The following HUWE1 variants were observed in gnomAD, a reference collection of about 807,000 sequenced individuals.
HUWE1 encodes E3 ubiquitin-protein ligase HUWE1.
In HUWE1, 18 loss-of-function variants were observed where a neutral mutation model predicts 299.4. The observed-to-expected ratio is 0.06, with a 90% CI of 0.04 to 0.09. The LOEUF (loss-of-function observed/expected upper bound fraction) is 0.09, where lower values mean the gene tolerates loss of function less well. Among genes scored for constraint, HUWE1 ranks in the 10% least tolerant of loss-of-function variants. HUWE1 has a pLI of 1.00. For synonymous variants in HUWE1, 1,317 were observed against 1,286.1 expected, an observed-to-expected ratio of 1.02 and a Z score of -0.51; for missense variants, 1,832 against 3,462.3, an observed-to-expected ratio of 0.53 and a Z score of 11.82.
At chrX:53,588,633 C>A (rs782180129) in intron 36 of HUWE1, 99 bp from the exon 37 acceptor site, 249 of 804,603 alleles carry the variant, frequency 3.1e-4, no homozygotes, top group Non-Finnish European at 4.1e-4. Context: ...CTGCCTCCAA[C>A]ACATTCACTA....
Position 53,589,579 on chromosome X carries a change from G to A in HUWE1, c.4429C>T (p.Arg1477Cys). ...TAIKRNGADY[R>C]DMILKQVVNQ... ...ACTACTTGCTTCAGAATCATGTCAC[G>A]ATAATCTGCTCCATTACGTTTGATT... The change falls in exon 36 of 84, where the codon CGT (arginine) becomes TGT (cysteine). Residue 1477 changes from arginine (R) to cysteine (C), a missense_variant. Arg to Cys is a radical substitution (Grantham distance 180). Around this residue, in one of 15 missense-constraint regions of HUWE1, gnomAD observed 658 missense variants for 1,282.6 expected, o/e 0.51. Coordinates refer to ENST00000262854, the MANE Select transcript of HUWE1 (RefSeq NM_031407.7). The A allele has an allele frequency of 8.3e-7, 1 of 1,210,972 alleles. No homozygotes were observed. Among genetic ancestry groups the A allele is most frequent in the South Asian group, 1.8e-5 (1 of 56,988 alleles).
chrX:53,634,425 ATATTT>A (rs2067072347), intron 7 of HUWE1, 127 bp from the exon 8 acceptor site: 2 of 522,905 alleles, frequency 3.8e-6, no homozygotes, highest in African/African-American at 4.7e-5. Flanking sequence ...ATACATATAT[ATATTT>A]AAGAGTGTGT....
intron 28 of HUWE1, among the ~76,000 whole-genome samples, chrX:53,601,516 T>C (rs1556990733): frequency 9.1e-6 from 1 of 109,930 alleles, no homozygotes; most frequent in East Asian, 2.9e-4. Context: ...TTATCTTCAT[T>C]GCTTTCTTAA....
chrX:53,578,569 G>A (rs2063347859), intron 43 of HUWE1, among the ~76,000 whole-genome samples: 1 of 93,537 alleles, frequency 1.1e-5, no homozygotes, highest in Admixed American at 1.0e-4. Flanking sequence ...CGCCCCGTCC[G>A]GGAGGGGGGA....
chrX:53,533,531 G>T, intron 83 of HUWE1, 120 bp from the exon 84 acceptor site: 1 of 541,488 alleles, frequency 1.8e-6, no homozygotes, highest in South Asian at 2.6e-5. Context: ...GCTTCTTGAT[G>T]ACTCCCAATC....
chrX:53,563,203 A>AGG (rs1556942798), intron 52 of HUWE1, among the ~76,000 whole-genome samples: 1 of 112,329 alleles, frequency 8.9e-6, no homozygotes, highest in African/African-American at 3.2e-5. Context: ...GGTATAAAAA[A>AGG]GCTTTGTAAA....
chrX:53,533,339 C>T lies in HUWE1; in HGVS notation c.13095G>A (p.Gln4365=). ...CCAGCCCAAAGCCTTCAGAGCACTC[C>T]TGGATAGCCAACAGTAGCATGTGGC... The part of the protein sequence containing the change: ...KLRHMLLLAI[Q]ECSEGFGLA The change falls in exon 84 of 84, where the codon CAG becomes CAA. Residue 4365 remains glutamine (Q), a synonymous_variant. Coordinates refer to ENST00000262854, the MANE Select transcript of HUWE1 (RefSeq NM_031407.7). 3.3e-6 allele frequency: 4 copies of T among 1,208,681 alleles called. No homozygotes were observed. The highest frequency in any genetic ancestry group is 4.5e-6 in the Non-Finnish European group (4 of 893,216).
intron 29 of HUWE1, among the ~76,000 whole-genome samples, chrX:53,598,228 T>C (rs1005446994): frequency 1.8e-5 from 2 of 112,103 alleles, no homozygotes; most frequent in Non-Finnish European, 3.8e-5. Context: ...TTCTGATTAC[T>C]AAAGAATACT....
intron 56 of HUWE1, 86 bp downstream of exon 56, chrX:53,560,102 A>G (rs1026046297): frequency 2.6e-6 from 2 of 775,991 alleles, no homozygotes; most frequent in South Asian, 4.5e-5. Flanking sequence ...GTGATGGACT[A>G]TTTCCCCCAA....
At chrX:53,685,318 T>C (rs1247214578) in intron 2 of HUWE1, among the ~76,000 whole-genome samples, 3 of 112,085 alleles carry the variant, frequency 2.7e-5, no homozygotes, top group African/African-American at 6.5e-5. Context: ...TAAACCAATA[T>C]AGGAAAAATG....
chrX:53,569,509 GC>G (rs1422289546), intron 48 of HUWE1, 106 bp downstream of exon 48: 1 of 705,347 alleles, frequency 1.4e-6, no homozygotes, highest in African/African-American at 2.1e-5. Flanking sequence ...AGTATATGAT[GC>G]CAGTATGACA....
chrX:53,671,050 C>T (rs1217105183), intron 3 of HUWE1, among the ~76,000 whole-genome samples: 3 of 111,615 alleles, frequency 2.7e-5, no homozygotes, highest in Admixed American at 9.6e-5. Flanking sequence ...AAAAGCCTTA[C>T]ATTTTTACAT....
chrX:53,628,923 C>T (rs2066690720), intron 13 of HUWE1, 21 bp from the exon 14 acceptor site: 1 of 1,163,084 alleles, frequency 8.6e-7, no homozygotes, highest in African/African-American at 1.8e-5. Context: ...AGAAGGTAAA[C>T]ACATAATGTG....
In HUWE1 at chrX:53,536,343, G is replaced by A. The variant is rs782702314; in HGVS notation, c.12425+37C>T. 3.3e-6 allele frequency: 4 copies of A among 1,198,535 alleles called. No individual in the cohort carries two copies. The Admixed American group carries it at 6.5e-5, about 20-fold the overall frequency. On this transcript the variant is annotated intron_variant, in intron 79 of 83. Transcript: ENST00000262854. ...GGACACAAAAAGACCAGACCCCCAG[G>A]ACTGAAGACAGTCCCAGGACTATGC...
chrX:53,617,320 G>A lies in HUWE1; in HGVS notation c.1779+20C>T, dbSNP rs1254837518. 9 of 1,084,656 alleles carry A rather than the reference G, an allele frequency of 8.3e-6. No individual in the cohort carries two copies. The South Asian group carries it at 9.5e-5, about 12-fold the overall frequency. The allele number at this position is 1,084,656 out of a possible 1,213,427, so 89.4% of individuals were successfully genotyped here. A position where few individuals can be genotyped will look rare whatever the true frequency, so the allele number is the denominator to read the frequency against. ...TTCACGCCCTAAGACATTCTTTACAGAGTAGCAGAAAAGACTTACATCTTT... is the reference window on the plus strand; with the variant it reads ...TTCACGCCCTAAGACATTCTTTACAAAGTAGCAGAAAAGACTTACATCTTT... On this transcript the variant is annotated intron_variant, in intron 20 of 83. Coordinates refer to ENST00000262854, the MANE Select transcript of HUWE1 (RefSeq NM_031407.7).
chrX:53,617,296 T>TC (rs782189836), intron 20 of HUWE1, 44 bp downstream of exon 20: 49 of 1,022,217 alleles, frequency 4.8e-5, no homozygotes, highest in Non-Finnish European at 6.5e-5. Context: ...GATAGGATTT[T>TC]CACGCCCTAA....
At chrX:53,604,511 T>C (rs1166821453) in intron 26 of HUWE1, 78 bp downstream of exon 26, 17 of 1,090,107 alleles carry the variant, frequency 1.6e-5, no homozygotes, top group East Asian at 1.5e-4. Context: ...CTTTCAAGCA[T>C]AGTAACCCTG....
chrX:53,679,011 A>T (rs2069981328), intron 3 of HUWE1, among the ~76,000 whole-genome samples: 1 of 111,958 alleles, frequency 8.9e-6, no homozygotes, highest in Non-Finnish European at 1.9e-5. Flanking sequence ...TATCAACTCC[A>T]ACTAGGATAC....
At chrX:53,621,026 G>A (rs2066117878) in intron 19 of HUWE1, among the ~76,000 whole-genome samples, 1 of 111,744 alleles carries the variant, frequency 8.9e-6, no homozygotes, top group Non-Finnish European at 1.9e-5. Context: ...ACAACTGTAT[G>A]GTTCTTCCAA....
Sources: gnomAD v4.1 joint callset for allele counts (sites outside exome capture counted in the v4.1 genomes callset) on GRCh38, gnomAD v4.1.1 for gene constraint, gnomAD v4.1.1 regional missense constraint, MANE v1.5 for transcripts, NCBI Gene and HGNC (gene_info 2026-07-23, HGNC 2026-07-21) for gene names.